The following SUGCT variants were observed in gnomAD, a reference collection of about 807,000 sequenced individuals.
SUGCT encodes the protein succinyl-CoA:glutarate CoA-transferase.
SUGCT carries 41 observed loss-of-function variants against 55.0 expected under a neutral mutation model. The observed-to-expected ratio is 0.74, with a 90% CI of 0.58 to 0.97. The LOEUF is 0.97. SUGCT is among the 50% of genes least tolerant of loss of function. SUGCT has a pLI of 0.00. For missense variants in SUGCT, 568 were observed against 547.8 expected, an observed-to-expected ratio of 1.04 and a Z score of -0.37; for synonymous variants, 187 against 200.4, an observed-to-expected ratio of 0.93 and a Z score of 0.56.
the SUGCT span, among the ~76,000 whole-genome samples, chr7:40,955,598 C>T: frequency 6.6e-6 from 1 of 152,184 alleles, no homozygotes; most frequent in Non-Finnish European, 1.5e-5. Context: ...ATTTGACTTC[C>T]TCTCTTCCTA....
the SUGCT span, among the ~76,000 whole-genome samples, chr7:40,991,752 C>T: frequency 6.6e-6 from 1 of 152,112 alleles, no homozygotes; most frequent in East Asian, 1.9e-4. Context: ...CCTTCAGCCC[C>T]TGTGATTGGG....
At position 40,597,497 on chromosome 7, in the gene SUGCT, T is replaced by TAAAAAA. The variant is rs758982631; in HGVS notation, c.1089+101111_1089+101112insAAAAAA. ...GGTCATGTGGTAGTCATCAGTGCTG[T>TAAAAAA]TTACCAAATATTTCCAGCTTTCTGA... On this transcript the variant is annotated intron_variant, in intron 12 of 13. Transcript: ENST00000335693. 5.9e-4 allele frequency among the ~76,000 whole-genome samples: 90 copies of TAAAAAA among 152,302 alleles called. 1 individual carries two copies. Among genetic ancestry groups the TAAAAAA allele is most frequent in the Admixed American group, 1.3e-3 (20 of 15,300 alleles).
chr7:40,334,596 G>C (rs1017377139), intron 9 of SUGCT, among the ~76,000 whole-genome samples: 25 of 152,156 alleles, frequency 1.6e-4, no homozygotes, highest in African/African-American at 6.0e-4. Flanking sequence ...TTTTGAAGGG[G>C]TTGTTTGTTT....
At chr7:40,914,272 C>CTTTTTTTTTTTTT in the SUGCT span, among the ~76,000 whole-genome samples, 1 of 139,208 alleles carries the variant, frequency 7.2e-6, no homozygotes, top group African/African-American at 2.9e-5. Context: ...TTATTTTTTT[C>CTTTTTTTTTTTTT]TTTTTCTTTT....
chr7:40,422,283 G>A (rs536962104), intron 9 of SUGCT, among the ~76,000 whole-genome samples: 1 of 152,014 alleles, frequency 6.6e-6, no homozygotes, highest in Non-Finnish European at 1.5e-5. Context: ...TTTCAATAAA[G>A]CAATTATTTA....
chr7:40,760,908 G>A (rs901409533), intron 13 of SUGCT, among the ~76,000 whole-genome samples: 2 of 152,210 alleles, frequency 1.3e-5, no homozygotes, highest in Non-Finnish European at 2.9e-5. Context: ...TCAGCACATA[G>A]AAGGATTAAG....
At chr7:40,798,827 C>A (rs538743297) in intron 13 of SUGCT, among the ~76,000 whole-genome samples, 1 of 152,172 alleles carries the variant, frequency 6.6e-6, no homozygotes, top group Non-Finnish European at 1.5e-5. Flanking sequence ...TGACTTAGCA[C>A]TTAACAGTAC....
chr7:41,009,499 T>C, the SUGCT span, among the ~76,000 whole-genome samples: 1 of 152,120 alleles, frequency 6.6e-6, no homozygotes. Flanking sequence ...TATGTATCCA[T>C]CCACCATCCT....
rs1791942290 is a variant in SUGCT, at chr7:40,495,867, AG to A, written c.987-416del. On this transcript the variant is annotated intron_variant, in intron 11 of 13. Coordinates refer to ENST00000335693, the MANE Select transcript of SUGCT (RefSeq NM_001193313.2). ...ACTTTTCCCAAAGCTTTCTTAAAAC[AG>A]CTATATTAGTATTTTTTTTGTTTTG... is the stretch of plus-strand genomic sequence containing the variant. Among the ~76,000 whole-genome samples the A allele has an allele frequency of 3.3e-5, 5 of 152,318 alleles. No individual in the cohort carries two copies. In the South Asian group the frequency reaches 1.0e-3, roughly 32 times the overall value.
chr7:40,618,599 T>C (rs1799118889), intron 12 of SUGCT, among the ~76,000 whole-genome samples: 1 of 152,240 alleles, frequency 6.6e-6, no homozygotes, highest in South Asian at 2.1e-4. Flanking sequence ...TGGCATTTGC[T>C]AGCTATTTTC....
chr7:40,160,616 TG>T (rs1784097924), intron 1 of SUGCT, among the ~76,000 whole-genome samples: 1 of 152,166 alleles, frequency 6.6e-6, no homozygotes, highest in Non-Finnish European at 1.5e-5. Context: ...TAAATATGAC[TG>T]ATAAAAGATT....
chr7:41,034,903 A>G, the SUGCT span, among the ~76,000 whole-genome samples: 1 of 152,160 alleles, frequency 6.6e-6, no homozygotes, highest in East Asian at 1.9e-4. Context: ...GGAGTTGAGA[A>G]TTTGAATAGC....
intron 6 of SUGCT, among the ~76,000 whole-genome samples, chr7:40,216,278 G>A (rs1416500106): frequency 6.6e-6 from 1 of 152,006 alleles, no homozygotes; most frequent in Non-Finnish European, 1.5e-5. Flanking sequence ...GAGGCAGGCG[G>A]ATCACCTGAG....
intron 12 of SUGCT, among the ~76,000 whole-genome samples, chr7:40,681,051 C>G (rs1199458310): frequency 6.6e-6 from 1 of 152,146 alleles, no homozygotes; most frequent in Non-Finnish European, 1.5e-5. Flanking sequence ...ATACTGGGAA[C>G]CATGGGGTTT....
chr7:41,009,074 G>A, the SUGCT span, among the ~76,000 whole-genome samples: 1 of 152,026 alleles, frequency 6.6e-6, no homozygotes, highest in Non-Finnish European at 1.5e-5. Flanking sequence ...ATTTAGCCGG[G>A]TATGGTGGAT....
chr7:40,245,815 T>TG (rs1008799702), intron 7 of SUGCT, among the ~76,000 whole-genome samples: 47 of 151,978 alleles, frequency 3.1e-4, no homozygotes, highest in Admixed American at 9.8e-4. Flanking sequence ...TCAGGATAAA[T>TG]GGGGTATCCA....
rs553662247 is a variant in SUGCT at position 40,366,922 on chromosome 7, C to A, written c.816+50067C>A. On this transcript the variant is annotated intron_variant, in intron 9 of 13. Transcript: ENST00000335693. ...CAGCCATCCCATTACTGGGTATATACCCGAAGGACTATAAATCATGCTGCT... is the reference window on the plus strand; with the variant it reads ...CAGCCATCCCATTACTGGGTATATAACCGAAGGACTATAAATCATGCTGCT... Among the ~76,000 whole-genome samples the A allele has an allele frequency of 2.4e-3, 370 of 152,246 alleles. 3 individuals carry two copies. Among genetic ancestry groups the A allele is most frequent in the Non-Finnish European group, 4.2e-3 (284 of 68,014 alleles).
At chr7:40,516,580 C>A (rs905705959) in intron 12 of SUGCT, among the ~76,000 whole-genome samples, 3 of 152,032 alleles carry the variant, frequency 2.0e-5, no homozygotes, top group Non-Finnish European at 2.9e-5. Flanking sequence ...GTTGGCACAG[C>A]ACCAGTTATT....
At chr7:40,757,159 T>C (rs1788294296) in intron 13 of SUGCT, among the ~76,000 whole-genome samples, 1 of 152,130 alleles carries the variant, frequency 6.6e-6, no homozygotes, top group Non-Finnish European at 1.5e-5. Flanking sequence ...GTTACTGTTC[T>C]GTGAGAAATG....
Sources: gnomAD v4.1 joint callset for allele counts (sites outside exome capture counted in the v4.1 genomes callset) on GRCh38, gnomAD v4.1.1 for gene constraint, MANE v1.5 for transcripts, NCBI Gene and HGNC (gene_info 2026-07-23, HGNC 2026-07-21) for gene names.